SAP30BP: variants seen among roughly 807,000 people sequenced by gnomAD.
SAP30BP encodes the protein SAP30 binding protein, also known as SAP30-binding protein.
Under a neutral mutation model 46.3 loss-of-function variants are expected in SAP30BP, and 31 were observed. The observed-to-expected ratio is 0.67, with a 90% CI of 0.50 to 0.90. SAP30BP has a LOEUF of 0.90. Among genes scored for constraint, SAP30BP ranks in the 40% least tolerant of loss-of-function variants. The pLI is 0.00. For synonymous variants in SAP30BP, 169 were observed against 144.2 expected (o/e 1.17, Z -1.23); for missense variants, 312 against 391.0 (o/e 0.80, Z 1.70).
At chr17:75,685,566 C>T (rs1599128302) in intron 3 of SAP30BP, among the ~76,000 whole-genome samples, 1 of 152,286 alleles carries the variant, frequency 6.6e-6, no homozygotes, top group Middle Eastern at 3.4e-3. Flanking sequence ...ATGTAACTAA[C>T]TCCTCAGCTT....
At chr17:75,671,706 G>C (rs564422830) in intron 2 of SAP30BP, 110 bp from the exon 3 acceptor site, 6 of 794,388 alleles carry the variant, frequency 7.6e-6, no homozygotes, top group East Asian at 2.5e-5. Context: ...TTCTTGGTGG[G>C]ATGACCCCAG....
At chr17:75,693,187 G>T (rs572870822) in intron 3 of SAP30BP, 19 of 482,114 alleles carry the variant, frequency 3.9e-5, no homozygotes, top group Non-Finnish European at 6.8e-5. Flanking sequence ...CAGCGATGGT[G>T]GGTTTGGTCA....
rs1273292106 is a variant in SAP30BP at position 75,707,978 on chromosome 17, C to T, written c.*1457C>T. On this transcript the variant is annotated 3_prime_UTR_variant, in exon 11 of 11. Coordinates refer to ENST00000584667, the MANE Select transcript of SAP30BP (RefSeq NM_013260.8). ...TAAGCCTGTTTCTTCTCTGAAATCACAGTAATAAAGCGTCGTAAGATGGTT... is the reference window on the plus strand; with the variant it reads ...TAAGCCTGTTTCTTCTCTGAAATCATAGTAATAAAGCGTCGTAAGATGGTT... The T allele has an allele frequency of 1.3e-5, 2 of 152,216 alleles. No individual in the cohort carries two copies. Among genetic ancestry groups the T allele is most frequent in the African/African-American group, 4.8e-5 (2 of 41,450 alleles). 9.4% of individuals were successfully genotyped at this position (152,216 alleles called of 1,614,324 possible). A position where few individuals can be genotyped will look rare whatever the true frequency, so the allele number is the denominator to read the frequency against.
intron 4 of SAP30BP, among the ~76,000 whole-genome samples, chr17:75,696,999 G>A (rs978327886): frequency 3.3e-5 from 5 of 152,022 alleles, no homozygotes; most frequent in African/African-American, 9.6e-5. Flanking sequence ...GGATGATCTC[G>A]ATCTCCTGAC....
At chr17:75,695,741 A>G (rs541389793) in intron 4 of SAP30BP, among the ~76,000 whole-genome samples, 12 of 152,246 alleles carry the variant, frequency 7.9e-5, no homozygotes, top group Admixed American at 2.6e-4. Context: ...ATGCATGTAG[A>G]CAGCCCCAGC....
At chr17:75,699,154 C>G (rs2060367206) in intron 4 of SAP30BP, among the ~76,000 whole-genome samples, 1 of 152,206 alleles carries the variant, frequency 6.6e-6, no homozygotes. Context: ...GCCTGGGTTA[C>G]AGAGTAAAAC....
At chr17:75,687,826 T>C (rs1046153213) in intron 3 of SAP30BP, among the ~76,000 whole-genome samples, 2 of 151,894 alleles carry the variant, frequency 1.3e-5, no homozygotes, top group Non-Finnish European at 2.9e-5. Flanking sequence ...CACTGTGGAG[T>C]TGACCAGGCT....
chr17:75,704,081 C>T (rs1309780846), intron 8 of SAP30BP, among the ~76,000 whole-genome samples: 9 of 152,308 alleles, frequency 5.9e-5, no homozygotes, highest in East Asian at 3.9e-4. Flanking sequence ...ACGCCAGCAT[C>T]GATGAGTGTT....
chr17:75,695,482 A>G (rs1197702940), intron 4 of SAP30BP, among the ~76,000 whole-genome samples: 1 of 152,224 alleles, frequency 6.6e-6, no homozygotes, highest in African/African-American at 2.4e-5. Flanking sequence ...ATTTCACTGT[A>G]GGGATACACC....
rs901947988 is a variant in SAP30BP at position 75,707,685 on chromosome 17, T to A, written c.*1164T>A. Reference sequence around the variant, plus strand: ...GTCCACTCTCCCCGTACACACACACTCGGGCACTTCAGGAGGTCAGTTCTC... The same window carrying A: ...GTCCACTCTCCCCGTACACACACACACGGGCACTTCAGGAGGTCAGTTCTC... On this transcript the variant is annotated 3_prime_UTR_variant, in exon 11 of 11. Coordinates refer to ENST00000584667, the MANE Select transcript of SAP30BP (RefSeq NM_013260.8). 3 of 152,512 alleles carry A rather than the reference T, an allele frequency of 2.0e-5. No homozygotes were observed. The highest frequency in any genetic ancestry group is 6.5e-5 in the Admixed American group (1 of 15,280). 9.4% of individuals were successfully genotyped at this position (152,512 alleles called of 1,614,324 possible). A position where few individuals can be genotyped will look rare whatever the true frequency, so the allele number is the denominator to read the frequency against.
intron 3 of SAP30BP, among the ~76,000 whole-genome samples, chr17:75,690,450 A>T (rs1056584147): frequency 5.3e-5 from 8 of 152,192 alleles, no homozygotes; most frequent in Non-Finnish European, 1.5e-5. Flanking sequence ...GTGCAGTGGC[A>T]TGATCATAGC....
intron 4 of SAP30BP, among the ~76,000 whole-genome samples, chr17:75,694,365 A>T (rs2060283217): frequency 6.6e-6 from 1 of 152,090 alleles, no homozygotes; most frequent in Non-Finnish European, 1.5e-5. Context: ...GAACTAAAGG[A>T]GCTAGGAATC....
chr17:75,674,690 G>GTT (rs1287087489), intron 3 of SAP30BP, among the ~76,000 whole-genome samples: 628 of 39,532 alleles, frequency 0.016, 45 homozygotes, highest in Admixed American at 0.027. Flanking sequence ...TTTTTTGTTT[G>GTT]TTTTTTGTTT....
intron 3 of SAP30BP, among the ~76,000 whole-genome samples, chr17:75,687,938 G>GTT (rs2060183687): frequency 1.0e-5 from 1 of 96,268 alleles, no homozygotes; most frequent in African/African-American, 3.4e-5. Flanking sequence ...GTGTGTGTGT[G>GTT]TGTGTGTGTG....
chr17:75,675,415 C>T (rs756345468), intron 3 of SAP30BP, among the ~76,000 whole-genome samples: 42 of 152,278 alleles, frequency 2.8e-4, no homozygotes, highest in Admixed American at 3.3e-4. Context: ...TCCCAAAGTG[C>T]TGGGATTACA....
chr17:75,690,558 T>G (rs1182597486), intron 3 of SAP30BP: 2 of 396,920 alleles, frequency 5.0e-6, no homozygotes, highest in African/African-American at 4.2e-5. Flanking sequence ...ACTCAAGCAG[T>G]CAGGCCCACC....
At chr17:75,693,597 G>A in intron 4 of SAP30BP, 115 bp downstream of exon 4, 1 of 910,094 alleles carries the variant, frequency 1.1e-6, no homozygotes, top group South Asian at 1.6e-5. Flanking sequence ...GAGCACTGTT[G>A]TCCCTTTGGC....
At chr17:75,675,172 A>G (rs2059971981) in intron 3 of SAP30BP, among the ~76,000 whole-genome samples, 1 of 152,040 alleles carries the variant, frequency 6.6e-6, no homozygotes, top group Non-Finnish European at 1.5e-5. Context: ...GTTTTTGAGT[A>G]GGAGTTTCGC....
intron 2 of SAP30BP, among the ~76,000 whole-genome samples, chr17:75,670,360 C>T (rs1192634582): frequency 1.3e-5 from 2 of 151,970 alleles, no homozygotes; most frequent in Non-Finnish European, 2.9e-5. Flanking sequence ...AACAGAAATG[C>T]GTTTTGTACA....
Sources: gnomAD v4.1 joint callset for allele counts (sites outside exome capture counted in the v4.1 genomes callset) on GRCh38, gnomAD v4.1.1 for gene constraint, MANE v1.5 for transcripts, NCBI Gene and HGNC (gene_info 2026-07-23, HGNC 2026-07-21) for gene names.